CRACD: variants seen among roughly 807,000 people sequenced by gnomAD.
CRACD encodes capping protein inhibiting regulator of actin dynamics.
CRACD carries 56 observed loss-of-function variants against 106.8 expected under a neutral mutation model. That is an observed-to-expected ratio of 0.52 (90% CI 0.42 to 0.66). The LOEUF (loss-of-function observed/expected upper bound fraction) is 0.66. CRACD is among the 30% of genes least tolerant of loss of function. The pLI is 0.00. For missense variants in CRACD, 1,730 were observed against 1,623.2 expected, an observed-to-expected ratio of 1.07 and a Z score of -1.13; for synonymous variants, 754 against 670.8, an observed-to-expected ratio of 1.12 and a Z score of -1.92.
At chr4:56,138,297 C>G (rs1010009579) in intron 1 of CRACD, among the ~76,000 whole-genome samples, 2 of 152,018 alleles carry the variant, frequency 1.3e-5, no homozygotes, top group Non-Finnish European at 1.5e-5. Flanking sequence ...AAACCTGTCT[C>G]TACTAAAAAT....
chr4:56,289,891 T>G (rs1032166913), intron 3 of CRACD, among the ~76,000 whole-genome samples: 5 of 152,186 alleles, frequency 3.3e-5, no homozygotes, highest in Admixed American at 2.0e-4. Flanking sequence ...GAGCTTGAGC[T>G]CTGGTTTCTG....
At chr4:56,115,909 A>G (rs1269382423) in intron 1 of CRACD, among the ~76,000 whole-genome samples, 8 of 152,192 alleles carry the variant, frequency 5.3e-5, no homozygotes, top group African/African-American at 1.9e-4. Flanking sequence ...TGGATTTTTC[A>G]GTCATTAGAA....
intron 1 of CRACD, among the ~76,000 whole-genome samples, chr4:56,052,908 A>G (rs1731923371): frequency 6.6e-6 from 1 of 152,200 alleles, no homozygotes. Context: ...CCATTGTGGT[A>G]CATCTTTTGT....
Position 56,280,244 on chromosome 4 carries a change from G to C in CRACD, c.-17+7752G>C, listed in dbSNP as rs142941364. Among the ~76,000 whole-genome samples, 972 of 151,762 alleles carry C rather than the reference G, an allele frequency of 6.4e-3. 15 individuals carry two copies. The highest frequency in any genetic ancestry group is 0.022 in the African/African-American group (918 of 41,362). ...ACCAACATGGCACATGTATACACAT[G>C]TAACAAACGTGCACGTTGTGCACAT... On this transcript the variant is annotated intron_variant, in intron 3 of 10. Coordinates refer to ENST00000682029, the MANE Select transcript of CRACD (RefSeq NM_001393381.1).
intron 2 of CRACD, among the ~76,000 whole-genome samples, chr4:56,183,810 G>A (rs1736962091): frequency 6.6e-6 from 1 of 152,190 alleles, no homozygotes; most frequent in African/African-American, 2.4e-5. Flanking sequence ...AGTGAAAGGG[G>A]AAGGTGTCAT....
intron 2 of CRACD, among the ~76,000 whole-genome samples, chr4:56,199,458 T>C (rs1577732958): frequency 1.3e-5 from 2 of 151,278 alleles, no homozygotes; most frequent in South Asian, 4.2e-4. Context: ...CCGAGGCGGG[T>C]GAATCACGAG....
chr4:56,309,147 TGA>T, intron 5 of CRACD: 1 of 394,582 alleles, frequency 2.5e-6, no homozygotes, highest in East Asian at 7.2e-5. Flanking sequence ...CTTATTTGGG[TGA>T]GGAGTGTAGC....
In CRACD at chr4:56,300,412, T is replaced by C. The variant is rs951055720; in HGVS notation, c.120+2063T>C. The stretch of plus-strand genomic sequence containing the variant: ...CCTTCAAATCTTAGCATTTCCTAAC[T>C]GGCTTCCATTCTTGGTTCTAGCTGG... On this transcript the variant is annotated intron_variant, in intron 4 of 10. Transcript: ENST00000682029. Among the ~76,000 whole-genome samples, 4 of 152,328 alleles carry C rather than the reference T, an allele frequency of 2.6e-5. 1 individual carries two copies. In the Middle Eastern group the frequency reaches 0.014, roughly 518 times the overall value.
chr4:56,057,881 C>G (rs1204654478), intron 1 of CRACD, among the ~76,000 whole-genome samples: 4 of 73,916 alleles, frequency 5.4e-5, no homozygotes, highest in Non-Finnish European at 1.0e-4. Flanking sequence ...TGCAGTGGCG[C>G]GATCTCGGCT....
At chr4:56,128,726 A>AC (rs559077492) in intron 1 of CRACD, among the ~76,000 whole-genome samples, 13 of 151,752 alleles carry the variant, frequency 8.6e-5, no homozygotes, top group African/African-American at 2.7e-4. Flanking sequence ...AGATAGGGAG[A>AC]CCCCCCACCT....
Position 56,324,041 on chromosome 4 carries a change from G to A in CRACD, c.3379-63G>A, listed in dbSNP as rs1746274391. On this transcript the variant is annotated intron_variant, in intron 9 of 10. Transcript: ENST00000682029. ...CAGGCAGAGGCCCCGAAGGCCTGCA[G>A]GGTCAGTCTTTCCATGTCTTAGGTT... is the stretch of plus-strand genomic sequence containing the variant. 4.6e-6 allele frequency: 7 copies of A among 1,534,236 alleles called. No homozygotes were observed. The South Asian group carries it at 7.7e-5, about 17-fold the overall frequency.
chr4:56,185,931 G>A (rs771246150), intron 2 of CRACD, among the ~76,000 whole-genome samples: 7 of 152,198 alleles, frequency 4.6e-5, no homozygotes, highest in Admixed American at 6.5e-5. Flanking sequence ...GATACTAGCC[G>A]TTGAAGATGA....
intron 4 of CRACD, 50 bp downstream of exon 4, chr4:56,298,399 T>G (rs368258642): frequency 1.2e-6 from 2 of 1,602,698 alleles, no homozygotes; most frequent in South Asian, 1.1e-5. Flanking sequence ...GGCCCAGTTA[T>G]GAAGGGAAGT....
intron 2 of CRACD, among the ~76,000 whole-genome samples, chr4:56,226,109 A>G (rs1452159509): frequency 1.4e-5 from 2 of 140,134 alleles, no homozygotes; most frequent in African/African-American, 2.8e-5. Flanking sequence ...TCTTATCCAC[A>G]TACCATTGGG....
At position 56,062,657 on chromosome 4, in the gene CRACD, T is replaced by C. The variant is rs76227587; in HGVS notation, c.-336+13358T>C. ...CTGTAGTTTCTGAGCTAACATAAGA[T>C]CTGATCTCTGACCTTCTGCTGACGT... On this transcript the variant is annotated intron_variant, in intron 1 of 10. Transcript: ENST00000682029. Among the ~76,000 whole-genome samples the C allele has an allele frequency of 1.1e-4, 16 of 152,320 alleles. No individual in the cohort carries two copies. In the East Asian group the frequency reaches 3.1e-3, roughly 29 times the overall value.
At chr4:56,155,030 A>AATC (rs34444557) in intron 1 of CRACD, among the ~76,000 whole-genome samples, 4 of 151,692 alleles carry the variant, frequency 2.6e-5, no homozygotes, top group East Asian at 3.9e-4. Context: ...AATTCAGTCC[A>AATC]ATCATCATCA....
chr4:56,328,523 A>G lies in CRACD; in HGVS notation c.*719A>G. The G allele has an allele frequency of 2.3e-6, 1 of 427,618 alleles. No individual in the cohort carries two copies. Among genetic ancestry groups the G allele is most frequent in the Non-Finnish European group, 4.6e-6 (1 of 217,870 alleles). The allele number at this position is 427,618 out of a possible 1,614,324, so 26.5% of individuals were successfully genotyped here. A position where few individuals can be genotyped will look rare whatever the true frequency, so the allele number is the denominator to read the frequency against. On this transcript the variant is annotated 3_prime_UTR_variant, in exon 11 of 11. Transcript: ENST00000682029. ...CCAGTTGGCTCCCAGGGAACATTTT[A>G]ATTTAATGTAGTGAAGAAAGACAAT...
At chr4:56,155,652 G>A (rs1465827961) in intron 1 of CRACD, among the ~76,000 whole-genome samples, 1 of 152,194 alleles carries the variant, frequency 6.6e-6, no homozygotes. Context: ...AACCTACGCT[G>A]TCTAGCTCCT....
intron 2 of CRACD, among the ~76,000 whole-genome samples, chr4:56,217,967 C>A (rs974038622): frequency 6.6e-6 from 1 of 152,130 alleles, no homozygotes; most frequent in Admixed American, 6.5e-5. Context: ...CTTCTTCTTG[C>A]CTCTGTCCTG....
Sources: allele counts gnomAD v4.1 joint callset (sites outside exome capture counted in the v4.1 genomes callset), GRCh38; gene constraint gnomAD v4.1.1; transcripts MANE v1.5; gene names NCBI Gene and HGNC (gene_info 2026-07-23, HGNC 2026-07-21).